The following GMEB2 variants were observed in gnomAD, a reference collection of about 807,000 sequenced individuals.
The protein encoded by GMEB2 is glucocorticoid modulatory element-binding protein 2.
In GMEB2, 7 loss-of-function variants were observed where a neutral mutation model predicts 45.7. That is an observed-to-expected ratio of 0.15 (90% confidence interval 0.09 to 0.29). The LOEUF is 0.29. Ranked by LOEUF, GMEB2 falls within the 10% of genes least tolerant of loss-of-function variation. The pLI is 1.00. For missense variants in GMEB2, 582 were observed against 739.2 expected (o/e 0.79, Z 2.47); for synonymous variants, 322 against 323.6 (o/e 1.00, Z 0.05).
At chr20:63,615,263 T>C (rs1246665694) in intron 2 of GMEB2, among the ~76,000 whole-genome samples, 1 of 152,194 alleles carries the variant, frequency 6.6e-6, no homozygotes, top group African/African-American at 2.4e-5. Context: ...GAGGACTAAA[T>C]GGGATGGTCT....
At chr20:63,609,273 T>G (rs1254453917) in intron 2 of GMEB2, among the ~76,000 whole-genome samples, 1 of 26,884 alleles carries the variant, frequency 3.7e-5, no homozygotes, top group Admixed American at 2.6e-4. Flanking sequence ...CATGCCCCTC[T>G]GACCCCACAC....
intron 3 of GMEB2, among the ~76,000 whole-genome samples, chr20:63,603,993 G>A (rs1341028860): frequency 6.6e-6 from 1 of 150,618 alleles, no homozygotes; most frequent in African/African-American, 2.4e-5. Flanking sequence ...GGCAGAAGTT[G>A]CAGTGAGCTG....
At chr20:63,602,757 A>G (rs1489382309) in intron 4 of GMEB2, among the ~76,000 whole-genome samples, 1 of 147,712 alleles carries the variant, frequency 6.8e-6, no homozygotes, top group Non-Finnish European at 1.5e-5. Context: ...AGCCTCCTCC[A>G]CACAGCGGGA....
At chr20:63,598,525 A>G (rs1029669796) in intron 4 of GMEB2, among the ~76,000 whole-genome samples, 1 of 152,230 alleles carries the variant, frequency 6.6e-6, no homozygotes, top group African/African-American at 2.4e-5. Context: ...ATTTACTTAG[A>G]AAACAAGCAG....
intron 5 of GMEB2, 22 bp from the exon 6 acceptor site, chr20:63,595,789 A>T (rs772382902): frequency 6.8e-6 from 11 of 1,612,638 alleles, no homozygotes; most frequent in Non-Finnish European, 8.5e-6. Context: ...AGTGGCATGG[A>T]GCGTCCAGGT....
chr20:63,611,680 G>A (rs956861260), intron 2 of GMEB2, among the ~76,000 whole-genome samples: 1 of 151,970 alleles, frequency 6.6e-6, no homozygotes, highest in Non-Finnish European at 1.5e-5. Context: ...ACACAGTGGA[G>A]CTAGAAGGTT....
Position 63,593,515 on chromosome 20 carries a change from A to C in GMEB2, c.620-433T>G, listed in dbSNP as rs2083168700. Among the ~76,000 whole-genome samples, 1 of 151,812 alleles carries C rather than the reference A, an allele frequency of 6.6e-6. No homozygotes were observed. The highest frequency in any genetic ancestry group is 1.5e-5 in the Non-Finnish European group (1 of 68,004). On this transcript the variant is annotated intron_variant, in intron 6 of 9. Transcript: ENST00000370077. This position sits in a 1 kb window ranked among gnomAD's most constrained non-coding sequence, Gnocchi z 4.7. ...GGCTCGCCCTCACCTCGCCTCTTCAAGTGATGCTTCATTGAAGTCATCATA... is the reference window on the plus strand; with the variant it reads ...GGCTCGCCCTCACCTCGCCTCTTCACGTGATGCTTCATTGAAGTCATCATA...
At chr20:63,597,921 T>C in intron 4 of GMEB2, 61 bp from the exon 5 acceptor site, 1 of 953,958 alleles carries the variant, frequency 1.0e-6, no homozygotes, top group South Asian at 1.3e-5. Flanking sequence ...GGTGCCCCCA[T>C]CTCCCATCCG....
At chr20:63,602,858 G>A in intron 4 of GMEB2, 107 bp downstream of exon 4, 1 of 986,748 alleles carries the variant, frequency 1.0e-6, no homozygotes, top group Non-Finnish European at 1.6e-6. Flanking sequence ...ACTCTCCCCA[G>A]CCCTGGAGAC....
Position 63,592,007 on chromosome 20 carries a change from G to T in GMEB2, c.952+15C>A, listed in dbSNP as rs1251199349. ...CTACCGCCCAGGGGACGGGACGGGG[G>T]TGGTCTCAGCATACCTGCCAGGTCC... On this transcript the variant is annotated intron_variant, in intron 9 of 9. Coordinates refer to ENST00000370077, the MANE Select transcript of GMEB2 (RefSeq NM_012384.5). The surrounding 1 kb of genome is among the most constrained non-coding windows in gnomAD (Gnocchi z 8.2). 2.5e-6 allele frequency: 4 copies of T among 1,604,396 alleles called. No individual in the cohort carries two copies. Among genetic ancestry groups the T allele is most frequent in the Non-Finnish European group, 3.4e-6 (4 of 1,177,418 alleles).
At chr20:63,615,745 G>C (rs914658537) in intron 2 of GMEB2, among the ~76,000 whole-genome samples, 1 of 152,240 alleles carries the variant, frequency 6.6e-6, no homozygotes, top group Admixed American at 6.5e-5. Flanking sequence ...GTACAGTGGG[G>C]TCTCATGCTG....
intron 6 of GMEB2, among the ~76,000 whole-genome samples, chr20:63,594,717 A>G (rs980333133): frequency 6.6e-6 from 1 of 152,090 alleles, no homozygotes; most frequent in African/African-American, 2.4e-5. Context: ...CAGAGATGTG[A>G]CCAGGGAGCC....
chr20:63,622,892 C>T (rs999981339), intron 1 of GMEB2, among the ~76,000 whole-genome samples: 1 of 152,178 alleles, frequency 6.6e-6, no homozygotes, highest in Non-Finnish European at 1.5e-5. Flanking sequence ...AGACCCCGCA[C>T]GCGTTACTGA....
chr20:63,615,212 G>A (rs1456762296), intron 2 of GMEB2, among the ~76,000 whole-genome samples: 3 of 152,080 alleles, frequency 2.0e-5, no homozygotes, highest in Non-Finnish European at 2.9e-5. Flanking sequence ...GCCAGTTCAC[G>A]AAAAAGAGAC....
At chr20:63,600,142 A>G (rs1050618961) in intron 4 of GMEB2, among the ~76,000 whole-genome samples, 4 of 151,826 alleles carry the variant, frequency 2.6e-5, no homozygotes, top group African/African-American at 9.7e-5. Flanking sequence ...TCCCGGGTTC[A>G]AGAGATTCTC....
At chr20:63,612,948 GTTTC>G (rs1001992370) in intron 2 of GMEB2, among the ~76,000 whole-genome samples, 5 of 151,964 alleles carry the variant, frequency 3.3e-5, no homozygotes, top group East Asian at 1.9e-4. Context: ...GTTTTGGATG[GTTTC>G]TTTCTTTCTT....
intron 2 of GMEB2, among the ~76,000 whole-genome samples, chr20:63,614,633 G>A (rs1036605344): frequency 6.6e-6 from 1 of 152,222 alleles, no homozygotes; most frequent in East Asian, 1.9e-4. Flanking sequence ...CCGTCTCCCT[G>A]TGATGCTGTG....
rs752221549 is a variant in GMEB2, at chr20:63,588,321, G to A, written c.*1768C>T. ...CTTTGACAAAGGGAAGCAGCTGGAA[G>A]GTTGCGGGTCCCAGGGTCACAGGCA... is the stretch of plus-strand genomic sequence containing the variant. On this transcript the variant is annotated 3_prime_UTR_variant, in exon 10 of 10. Transcript: ENST00000370077. 7 of 157,084 alleles carry A rather than the reference G, an allele frequency of 4.5e-5. No individual in the cohort carries two copies. Among genetic ancestry groups the A allele is most frequent in the Non-Finnish European group, 7.0e-5 (5 of 71,510 alleles). 9.7% of individuals were successfully genotyped at this position (157,084 alleles called of 1,614,324 possible). A position where few individuals can be genotyped will look rare whatever the true frequency, so the allele number is the denominator to read the frequency against.
chr20:63,614,588 CAGTCA>C (rs1555894739), intron 2 of GMEB2, among the ~76,000 whole-genome samples: 9 of 152,318 alleles, frequency 5.9e-5, no homozygotes, highest in Non-Finnish European at 1.2e-4. Context: ...GGCCTGACAT[CAGTCA>C]GGCCCGCCCG....
Sources: allele counts gnomAD v4.1 joint callset (sites outside exome capture counted in the v4.1 genomes callset), GRCh38; gene constraint gnomAD v4.1.1; non-coding constraint Gnocchi (gnomAD v3.1); transcripts MANE v1.5; gene names NCBI Gene and HGNC (gene_info 2026-07-23, HGNC 2026-07-21).